Variants in LRWD1 observed in about 807,000 individuals in gnomAD.
LRWD1 encodes the protein leucine-rich repeat and WD repeat-containing protein 1.
In LRWD1, 76 loss-of-function variants were observed where a neutral mutation model predicts 75.6. That is an observed-to-expected ratio of 1.01 (90% CI 0.84 to 1.22). The LOEUF is 1.22. Among genes scored for constraint, LRWD1 ranks in the 50% most tolerant of loss-of-function variants. The pLI is 0.00. For synonymous variants in LRWD1, 487 were observed against 377.0 expected, an observed-to-expected ratio of 1.29 and a Z score of -3.38; for missense variants, 917 against 862.0, an observed-to-expected ratio of 1.06 and a Z score of -0.80.
At chr7:102,468,772 G>C in intron 8 of LRWD1, 83 bp from the exon 9 acceptor site, 1 of 1,539,198 alleles carries the variant, frequency 6.5e-7, no homozygotes, top group Non-Finnish European at 8.8e-7. Context: ...TCATGCTGGG[G>C]CTCCCTCCCC....
chr7:102,467,216 T>C (rs939068674), intron 3 of LRWD1, 123 bp from the exon 4 acceptor site: 6 of 520,870 alleles, frequency 1.2e-5, no homozygotes, highest in Admixed American at 1.0e-4. Context: ...GTGTGTGTGT[T>C]TTATGAGGCT....
At chr7:102,470,934 TTTC>T (rs1216620336) in intron 11 of LRWD1, 1 of 152,152 alleles carries the variant, frequency 6.6e-6, no homozygotes, top group Non-Finnish European at 1.5e-5. Context: ...CCCGGCTAAT[TTTC>T]TTTTCTTTGA....
At position 102,465,116 on chromosome 7, in the gene LRWD1, C is replaced by T; in HGVS notation, c.36C>T (p.Arg12=). ...TCTCGGCGCGGCTGCTAATGCAGCG[C>T]GGGCGCCCCAAGAGCGACCGGCTGG... ...GPLSARLLMQ[R]GRPKSDRLGK... is the part of the protein sequence containing the mutation. Residue 12 remains arginine, a synonymous_variant, in exon 1 of 15, where the codon CGC becomes CGT. Transcript: ENST00000292616. 1 of 1,513,312 alleles carries T rather than the reference C, an allele frequency of 6.6e-7. No homozygotes were observed. Among genetic ancestry groups the T allele is most frequent in the Non-Finnish European group, 8.8e-7 (1 of 1,134,854 alleles). 93.7% of individuals were successfully genotyped at this position (1,513,312 alleles called of 1,614,324 possible).
At chr7:102,470,028 C>T (rs1368916286) in intron 11 of LRWD1, 146 bp downstream of exon 11, 2 of 1,042,892 alleles carry the variant, frequency 1.9e-6, no homozygotes, top group East Asian at 2.9e-5. Context: ...CTTGTCCCAC[C>T]TTTCTGCCAG....
Position 102,472,080 on chromosome 7 carries a change from T to C in LRWD1, c.1443-138T>C, listed in dbSNP as rs1444322314. 7.8e-6 allele frequency: 6 copies of C among 769,202 alleles called. No individual in the cohort carries two copies. The African/African-American group carries it at 8.6e-5, about 11-fold the overall frequency. The allele number at this position is 769,202 out of a possible 1,614,324, so 47.6% of individuals were successfully genotyped here. ...AACTGAACCTTCCTGGGGCCAAGAA[T>C]GTATCTCTTTGGTGGCATCTTCTGT... is the stretch of plus-strand genomic sequence containing the variant. On this transcript the variant is annotated intron_variant, in intron 11 of 14. Transcript: ENST00000292616.
intron 1 of LRWD1, 156 bp from the exon 2 acceptor site, chr7:102,465,661 C>T (rs1215416666): frequency 3.2e-6 from 2 of 627,356 alleles, no homozygotes; most frequent in Non-Finnish European, 5.6e-6. Context: ...GACTGAGTGA[C>T]ACCCCGTCTC....
rs374518114 is a variant in LRWD1 at position 102,468,072 on chromosome 7, C to T, written c.689C>T (p.Ala230Val). The T allele has an allele frequency of 1.9e-5, 31 of 1,608,212 alleles. No individual in the cohort carries two copies. Among genetic ancestry groups the T allele is most frequent in the Admixed American group, 1.0e-4 (6 of 59,922 alleles). The change falls in exon 6 of 15, where the codon GCG becomes GTG. Residue 230 changes from alanine (A) to valine (V), a missense_variant. Physicochemically the swap from Ala to Val is moderately conservative, Grantham distance 64. Transcript: ENST00000292616. Reference protein sequence around the residue: ...GAAHKPRARLAALKRPDDVPL... With the variant: ...GAAHKPRARLVALKRPDDVPL... ...AGGCCCCCTCCACAGGCCAGACTGG[C>T]GGCCTTGAAACGGCCAGACGACGTC...
chr7:102,472,724 G>A lies in LRWD1; in HGVS notation c.1723G>A (p.Gly575Ser). ...GATTGTGCTCTGTGGGGATGAGGAG[G>A]GCAACGTGTGGCTCTACGACGTCAG... Reference protein sequence around the residue: ...KGIVLCGDEEGNVWLYDVSNI... With the variant: ...KGIVLCGDEESNVWLYDVSNI... Residue 575 changes from glycine (G) to serine (S), a missense_variant, in exon 14 of 15, where the codon GGC becomes AGC. By Grantham distance (56) the Gly-to-Ser change is moderately conservative (BLOSUM62 0). Coordinates refer to ENST00000292616, the MANE Select transcript of LRWD1 (RefSeq NM_152892.3). The A allele has an allele frequency of 1.2e-6, 2 of 1,613,548 alleles. No homozygotes were observed. Among genetic ancestry groups the A allele is most frequent in the Non-Finnish European group, 1.7e-6 (2 of 1,179,948 alleles).
rs200102694 is a variant in LRWD1, at chr7:102,467,443, C to G, written c.537C>G (p.Tyr179Ter). The change falls in exon 4 of 15, where the codon TAC (tyrosine) becomes TAG (stop). Residue 179 changes from tyrosine to a stop codon, truncating the protein, a stop_gained. Coordinates refer to ENST00000292616, the MANE Select transcript of LRWD1 (RefSeq NM_152892.3). LOFTEE classifies it high-confidence loss of function. ...FVKSAVRDVR[Y>*]GPESLSEFTQ... ...AGTCGGCTGTCAGGGATGTCCGCTACGGGCCCGAGTCCCTCAGCGAGTTCA... is the reference window on the plus strand; with the variant it reads ...AGTCGGCTGTCAGGGATGTCCGCTAGGGGCCCGAGTCCCTCAGCGAGTTCA... 2.5e-6 allele frequency: 4 copies of G among 1,613,848 alleles called. No homozygotes were observed. The highest frequency in any genetic ancestry group is 2.2e-5 in the East Asian group (1 of 44,856).
rs1286970925 is a variant in LRWD1 at position 102,465,036 on chromosome 7, C to G, written c.-45C>G. On this transcript the variant is annotated 5_prime_UTR_variant, in exon 1 of 15. Coordinates refer to ENST00000292616, the MANE Select transcript of LRWD1 (RefSeq NM_152892.3). Reference sequence around the variant, plus strand: ...CCAGGAGACGCAGGGCGACGCCACACGCCGGGGTGGCCGACTGGGTCAGCG... The same window carrying G: ...CCAGGAGACGCAGGGCGACGCCACAGGCCGGGGTGGCCGACTGGGTCAGCG... 7.0e-7 allele frequency: 1 copy of G among 1,435,116 alleles called. No homozygotes were observed. Among genetic ancestry groups the G allele is most frequent in the Non-Finnish European group, 9.2e-7 (1 of 1,092,694 alleles). The allele number at this position is 1,435,116 out of a possible 1,614,324, so 88.9% of individuals were successfully genotyped here.
At chr7:102,467,643 C>T (rs898577722) in intron 4 of LRWD1, 76 bp from the exon 5 acceptor site, 1 of 1,506,718 alleles carries the variant, frequency 6.6e-7, no homozygotes, top group Admixed American at 2.0e-5. Context: ...AGCATAAGCT[C>T]CCCCTGACTA....
chr7:102,468,775 C>T (rs1023083816), intron 8 of LRWD1, 80 bp from the exon 9 acceptor site: 20 of 1,542,756 alleles, frequency 1.3e-5, no homozygotes, highest in Middle Eastern at 1.7e-4. Flanking sequence ...TGCTGGGGCT[C>T]CCTCCCCCAG....
intron 3 of LRWD1, 147 bp from the exon 4 acceptor site, chr7:102,467,192 G>GTGTGTGTA: frequency 1.5e-6 from 1 of 681,198 alleles, no homozygotes; most frequent in Non-Finnish European, 2.5e-6. Context: ...GTGTGTGTGT[G>GTGTGTGTA]TGTGTGTGTG....
In LRWD1 at chr7:102,472,927, C is replaced by T; in HGVS notation, c.1822C>T (p.Pro608Ser). Residue 608 changes from proline (P) to serine (S), a missense_variant, in exon 15 of 15, where the codon CCC becomes TCC. Pro to Ser is a moderately conservative substitution (Grantham distance 74). Transcript: ENST00000292616. ...CCACCAGATCCTGAAGTGGCCCCAGCCCTGGGCCCTTGGCCAGGTGGTGAC... is the reference window on the plus strand; with the variant it reads ...CCACCAGATCCTGAAGTGGCCCCAGTCCTGGGCCCTTGGCCAGGTGGTGAC... The part of the protein sequence containing the change: ...APTQILKWPQ[P>S]WALGQVVTKT... 6.2e-7 allele frequency: 1 copy of T among 1,614,008 alleles called. No homozygotes were observed. Among genetic ancestry groups the T allele is most frequent in the Non-Finnish European group, 8.5e-7 (1 of 1,179,980 alleles).
chr7:102,466,336 G>T, intron 3 of LRWD1, 66 bp downstream of exon 3: 1 of 1,330,976 alleles, frequency 7.5e-7, no homozygotes, highest in Non-Finnish European at 1.1e-6. Context: ...TGATAGAATT[G>T]GACATCAGGA....
rs1311327597 is a variant in LRWD1 at position 102,469,724 on chromosome 7, C to T, written c.1302-18C>T. 1 of 1,610,390 alleles carries T rather than the reference C, an allele frequency of 6.2e-7. No homozygotes were observed. Among genetic ancestry groups the T allele is most frequent in the South Asian group, 1.1e-5 (1 of 90,794 alleles). On this transcript the variant is annotated intron_variant, in intron 10 of 14. Transcript: ENST00000292616. The stretch of plus-strand genomic sequence containing the variant: ...TCGGTCTGGGTCTGATGCTCTGTTC[C>T]CCCTTGCCCACTGGCAGCCAGCTGC...
Position 102,466,899 on chromosome 7 carries a change from G to C in LRWD1, c.433-440G>C, listed in dbSNP as rs138916857. 2.4e-3 allele frequency among the ~76,000 whole-genome samples: 356 copies of C among 149,728 alleles called. 1 individual carries two copies. The highest frequency in any genetic ancestry group is 3.2e-3 in the Non-Finnish European group (218 of 67,832). On this transcript the variant is annotated intron_variant, in intron 3 of 14. Transcript: ENST00000292616. ...GGGCTCAAGCGATCTTCCCGCCTTA[G>C]CCTTCTGAATAGCTGGGGCTTTAGG...
intron 3 of LRWD1, 129 bp downstream of exon 3, chr7:102,466,399 C>T (rs1413167847): frequency 2.9e-6 from 2 of 678,422 alleles, no homozygotes; most frequent in South Asian, 1.9e-5. Context: ...AGCCCCTAGC[C>T]TGATGTGCTA....
At chr7:102,469,918 C>T in intron 11 of LRWD1, 36 bp downstream of exon 11, 2 of 1,483,728 alleles carry the variant, frequency 1.3e-6, no homozygotes, top group East Asian at 2.4e-5. Context: ...GAAGCCAGGC[C>T]TCTGCAGAGG....
Sources: gnomAD v4.1 joint callset for allele counts (sites outside exome capture counted in the v4.1 genomes callset) on GRCh38, gnomAD v4.1.1 for gene constraint, MANE v1.5 for transcripts, NCBI Gene and HGNC (gene_info 2026-07-23, HGNC 2026-07-21) for gene names.